The following NDST4 variants were observed in gnomAD, a reference collection of about 807,000 sequenced individuals.
The protein encoded by NDST4 is N-deacetylase and N-sulfotransferase 4.
Under a neutral mutation model 100.8 loss-of-function variants are expected in NDST4, and 63 were observed. The ratio of observed to expected loss-of-function variants is 0.62; its 90% CI spans 0.51 to 0.77. NDST4 has a LOEUF of 0.77. Ranked by LOEUF, NDST4 falls within the 30% of genes least tolerant of loss-of-function variation. The pLI is 0.00. For synonymous variants in NDST4, 377 were observed against 361.8 expected, an observed-to-expected ratio of 1.04 and a Z score of -0.48; for missense variants, 943 against 1,018.4, an observed-to-expected ratio of 0.93 and a Z score of 1.01.
At chr4:114,875,534 G>A (rs1724237962) in intron 6 of NDST4, among the ~76,000 whole-genome samples, 1 of 152,174 alleles carries the variant, frequency 6.6e-6, no homozygotes, top group Non-Finnish European at 1.5e-5. Context: ...AGGGAATTGA[G>A]TAAATATAAT....
At chr4:114,967,688 G>T (rs1726413797) in intron 4 of NDST4, among the ~76,000 whole-genome samples, 1 of 151,966 alleles carries the variant, frequency 6.6e-6, no homozygotes, top group South Asian at 2.1e-4. Flanking sequence ...AAATGGAAAA[G>T]ATTTACTTAA....
chr4:114,849,550 C>G (rs550769489), intron 8 of NDST4, among the ~76,000 whole-genome samples: 46 of 152,246 alleles, frequency 3.0e-4, no homozygotes, highest in African/African-American at 1.1e-3. Context: ...CTTTTAGATC[C>G]TCCCAGCTTT....
chr4:115,004,472 G>T (rs1275536791), intron 2 of NDST4, among the ~76,000 whole-genome samples: 1 of 152,126 alleles, frequency 6.6e-6, no homozygotes, highest in Non-Finnish European at 1.5e-5. Flanking sequence ...TATTTCCCAA[G>T]TCTTAAGCTT....
intron 2 of NDST4, among the ~76,000 whole-genome samples, chr4:115,050,248 C>T (rs1415954533): frequency 1.3e-5 from 2 of 152,046 alleles, no homozygotes; most frequent in African/African-American, 4.8e-5. Context: ...GAATCAGAAT[C>T]CTCAAACATG....
At chr4:114,985,936 C>T (rs1726890340) in intron 2 of NDST4, among the ~76,000 whole-genome samples, 1 of 152,064 alleles carries the variant, frequency 6.6e-6, no homozygotes, top group South Asian at 2.1e-4. Flanking sequence ...GAGAACAGAT[C>T]TTAGGGTCAG....
chr4:115,012,266 C>T (rs1433788570), intron 2 of NDST4, among the ~76,000 whole-genome samples: 1 of 151,908 alleles, frequency 6.6e-6, no homozygotes, highest in Admixed American at 6.6e-5. Context: ...TTACAACCAG[C>T]AAAACATCTT....
intron 2 of NDST4, among the ~76,000 whole-genome samples, chr4:115,034,708 A>G (rs1728195095): frequency 6.6e-6 from 1 of 152,034 alleles, no homozygotes; most frequent in South Asian, 2.1e-4. Context: ...GATGACCCCA[A>G]GCATGGCCCC....
chr4:115,052,313 AC>A (rs1205164583), intron 2 of NDST4, among the ~76,000 whole-genome samples: 1 of 152,104 alleles, frequency 6.6e-6, no homozygotes, highest in Non-Finnish European at 1.5e-5. Context: ...AACTCCTAAA[AC>A]TTTTTTACTT....
intron 2 of NDST4, among the ~76,000 whole-genome samples, chr4:115,023,458 C>A (rs1309564460): frequency 2.1e-5 from 3 of 146,272 alleles, no homozygotes; most frequent in Admixed American, 7.0e-5. Flanking sequence ...GCACTCCAGC[C>A]TGGGCAACAA....
In NDST4 at chr4:114,829,795, G is replaced by C. The variant is rs1358817325; in HGVS notation, c.2494C>G (p.Pro832Ala). The C allele has an allele frequency of 3.1e-6, 5 of 1,604,600 alleles. No individual in the cohort carries two copies. The African/African-American group carries it at 6.7e-5, about 22-fold the overall frequency. ...AAAGATTAAAAAATTATTACCTCTG[G>C]ATCCATAGGTGGATATTTTCGGCCT... ...SKGRKYPPMD[P>A]ESRTFLSNYY... The change falls in exon 13 of 14, where the codon CCA (proline) becomes GCA (alanine). Residue 832 changes from proline to alanine, a missense_variant. Pro to Ala is a conservative substitution (Grantham distance 27, BLOSUM62 -1). Around this residue, in one of 2 missense-constraint regions of NDST4, gnomAD observed 526 missense variants for 634.1 expected, o/e 0.83. Coordinates refer to ENST00000264363, the MANE Select transcript of NDST4 (RefSeq NM_022569.3).
At chr4:115,070,683 G>C (rs1234718412) in intron 2 of NDST4, among the ~76,000 whole-genome samples, 1 of 152,022 alleles carries the variant, frequency 6.6e-6, no homozygotes, top group Non-Finnish European at 1.5e-5. Context: ...CAGTAGCATT[G>C]GTTGGAGAAG....
At chr4:114,836,752 C>T (rs1381721133) in intron 11 of NDST4, among the ~76,000 whole-genome samples, 1 of 152,186 alleles carries the variant, frequency 6.6e-6, no homozygotes, top group East Asian at 1.9e-4. Context: ...TTCAAGTACA[C>T]CAATCAATTG....
intron 6 of NDST4, among the ~76,000 whole-genome samples, chr4:114,920,069 A>G (rs1306800702): frequency 6.6e-6 from 1 of 152,146 alleles, no homozygotes; most frequent in Admixed American, 6.6e-5. Flanking sequence ...ATCATCACTG[A>G]TGGGCTTCTT....
intron 4 of NDST4, among the ~76,000 whole-genome samples, chr4:114,940,841 A>G (rs1043360133): frequency 2.0e-5 from 3 of 152,106 alleles, no homozygotes; most frequent in South Asian, 2.1e-4. Context: ...TCAAGCTGCT[A>G]CCCTCTGGCA....
intron 2 of NDST4, among the ~76,000 whole-genome samples, chr4:115,056,873 G>A (rs72898626): frequency 0.052 from 7,552 of 145,494 alleles, 461 homozygotes; most frequent in African/African-American, 0.15. Flanking sequence ...GATGATTACG[G>A]TCAGAGATCA....
intron 7 of NDST4, among the ~76,000 whole-genome samples, 187 bp downstream of exon 7, chr4:114,870,581 C>T (rs1309175089): frequency 1.3e-5 from 2 of 151,940 alleles, no homozygotes; most frequent in Middle Eastern, 3.4e-3. Context: ...GAAAAGCAAG[C>T]AAAAAATGCA....
intron 2 of NDST4, among the ~76,000 whole-genome samples, chr4:114,980,436 G>A (rs2126245765): frequency 6.6e-6 from 1 of 152,280 alleles, no homozygotes; most frequent in Non-Finnish European, 1.5e-5. Flanking sequence ...GAGGTCAGAA[G>A]TTCAAGACCA....
At chr4:115,066,829 G>A (rs1484542760) in intron 2 of NDST4, among the ~76,000 whole-genome samples, 1 of 152,120 alleles carries the variant, frequency 6.6e-6, no homozygotes, top group South Asian at 2.1e-4. Flanking sequence ...GGGAAGTATT[G>A]CTGATGGCTC....
chr4:114,899,208 C>T (rs150191452), intron 6 of NDST4, among the ~76,000 whole-genome samples: 1,937 of 152,162 alleles, frequency 0.013, 45 homozygotes, highest in African/African-American at 0.044. Context: ...GATGGAGCCT[C>T]GTTCTGTCAC....
Sources: allele counts gnomAD v4.1 joint callset (sites outside exome capture counted in the v4.1 genomes callset), GRCh38; gene constraint gnomAD v4.1.1; regional missense constraint gnomAD v4.1.1; transcripts MANE v1.5; gene names NCBI Gene and HGNC (gene_info 2026-07-23, HGNC 2026-07-21).